NPAS3: variants seen among roughly 807,000 people sequenced by gnomAD.
The protein encoded by NPAS3 is neuronal PAS domain-containing protein 3.
Under a neutral mutation model 73.1 loss-of-function variants are expected in NPAS3, and 14 were observed. That is an observed-to-expected ratio of 0.19 (90% CI 0.13 to 0.30). NPAS3 has a LOEUF of 0.30. Ranked by LOEUF, NPAS3 falls within the 10% of genes least tolerant of loss-of-function variation. The pLI is 1.00. For missense variants in NPAS3, 1,096 were observed against 1,250.0 expected (o/e 0.88, Z 1.86); for synonymous variants, 620 against 541.5 (o/e 1.14, Z -2.01).
intron 4 of NPAS3, among the ~76,000 whole-genome samples, chr14:33,418,760 G>A (rs1008578288): frequency 2.0e-5 from 3 of 151,844 alleles, no homozygotes; most frequent in Admixed American, 6.6e-5. Context: ...CGCAATCATT[G>A]ATCTTCCATG....
intron 7 of NPAS3, among the ~76,000 whole-genome samples, chr14:33,759,731 C>CCTG (rs1192565259): frequency 2.0e-5 from 3 of 152,142 alleles, no homozygotes; most frequent in African/African-American, 7.2e-5. Flanking sequence ...ATTTACCTGG[C>CCTG]CTGCTACTGG....
intron 2 of NPAS3, among the ~76,000 whole-genome samples, chr14:33,128,833 A>C (rs1311805445): frequency 6.6e-6 from 1 of 152,168 alleles, no homozygotes; most frequent in African/African-American, 2.4e-5. Flanking sequence ...TTCCAACCAG[A>C]GAAGTAGGTG....
At chr14:33,052,344 C>G (rs192111418) in intron 1 of NPAS3, among the ~76,000 whole-genome samples, 330 of 152,244 alleles carry the variant, frequency 2.2e-3, no homozygotes, top group African/African-American at 7.7e-3. Flanking sequence ...AATAACTACC[C>G]TACCACCCCC....
At chr14:33,565,010 A>T (rs1220179532) in intron 5 of NPAS3, among the ~76,000 whole-genome samples, 1 of 152,084 alleles carries the variant, frequency 6.6e-6, no homozygotes, top group African/African-American at 2.4e-5. Context: ...CCTCACCCTT[A>T]TATAAGGTAT....
chr14:33,679,203 G>C (rs1404038923), intron 6 of NPAS3, among the ~76,000 whole-genome samples: 1 of 152,170 alleles, frequency 6.6e-6, no homozygotes, highest in Non-Finnish European at 1.5e-5. Flanking sequence ...TGGTGAATGT[G>C]ACTCTCACCA....
intron 1 of NPAS3, among the ~76,000 whole-genome samples, chr14:33,013,382 T>C (rs2039281460): frequency 6.6e-6 from 1 of 152,212 alleles, no homozygotes; most frequent in Non-Finnish European, 1.5e-5. Context: ...TCATGTGTTT[T>C]GGCTCATTTT....
intron 4 of NPAS3, among the ~76,000 whole-genome samples, chr14:33,371,826 G>T (rs898227303): frequency 6.6e-6 from 1 of 152,126 alleles, no homozygotes; most frequent in Non-Finnish European, 1.5e-5. Context: ...ACTGTGCTAA[G>T]TTCTCTTCTT....
intron 4 of NPAS3, among the ~76,000 whole-genome samples, chr14:33,453,801 T>C (rs751676725): frequency 1.3e-5 from 2 of 152,202 alleles, no homozygotes; most frequent in African/African-American, 2.4e-5. Context: ...TCCTCCTCAA[T>C]TGTAGAGCTT....
intron 5 of NPAS3, among the ~76,000 whole-genome samples, chr14:33,587,118 C>G (rs1368296846): frequency 6.6e-6 from 1 of 152,140 alleles, no homozygotes; most frequent in Non-Finnish European, 1.5e-5. Flanking sequence ...TATAGTAATT[C>G]ATATGGTTTC....
At chr14:33,442,085 A>T (rs1466942476) in intron 4 of NPAS3, among the ~76,000 whole-genome samples, 3 of 152,206 alleles carry the variant, frequency 2.0e-5, no homozygotes, top group Non-Finnish European at 2.9e-5. Flanking sequence ...TTCTCGATGT[A>T]CTACTTCATA....
intron 4 of NPAS3, among the ~76,000 whole-genome samples, chr14:33,503,397 A>T (rs2139935186): frequency 6.6e-6 from 1 of 152,078 alleles, no homozygotes; most frequent in Admixed American, 6.6e-5. Context: ...AGGGACGAAG[A>T]TAATGTATGA....
intron 2 of NPAS3, among the ~76,000 whole-genome samples, chr14:33,126,406 A>G (rs149381780): frequency 6.6e-6 from 1 of 152,244 alleles, no homozygotes; most frequent in African/African-American, 2.4e-5. Context: ...GCTTTCTTGC[A>G]CTGGGAAATT....
chr14:33,802,376 T>TAAAAAAAAAAAAA (rs71293230), downstream of NPAS3: 16 of 95,646 alleles, frequency 1.7e-4, no homozygotes, highest in South Asian at 4.2e-4. Flanking sequence ...GCACATTAAG[T>TAAAAAAAAAAAAA]AAAAAAAAAA....
intron 4 of NPAS3, among the ~76,000 whole-genome samples, chr14:33,510,048 A>G (rs886744783): frequency 7.2e-5 from 11 of 152,046 alleles, no homozygotes; most frequent in African/African-American, 2.7e-4. Flanking sequence ...AATAAAAATC[A>G]GAGGTCTGAC....
intron 6 of NPAS3, among the ~76,000 whole-genome samples, chr14:33,730,951 A>G (rs1283451798): frequency 1.3e-5 from 2 of 152,214 alleles, no homozygotes; most frequent in Non-Finnish European, 2.9e-5. Flanking sequence ...GAATGTGTTT[A>G]ACTTCATGTC....
At chr14:33,085,587 TG>T (rs2041996866) in intron 2 of NPAS3, among the ~76,000 whole-genome samples, 1 of 152,232 alleles carries the variant, frequency 6.6e-6, no homozygotes, top group African/African-American at 2.4e-5. Context: ...CAAAGGTTTC[TG>T]GATCTTTAAT....
intron 4 of NPAS3, among the ~76,000 whole-genome samples, chr14:33,447,915 T>C (rs979856201): frequency 6.6e-6 from 1 of 152,024 alleles, no homozygotes; most frequent in African/African-American, 2.4e-5. Flanking sequence ...ACCCTATCTC[T>C]TAAAAAAAAC....
In NPAS3 at chr14:33,112,496, C is replaced by T. The variant is rs144390473; in HGVS notation, c.140+56502C>T. ...TTGAGAAGTGTCTGTGCATATCCTT[C>T]GCCCAGTTTTTGATGGGGTTGTTTT... is the stretch of plus-strand genomic sequence containing the variant. On this transcript the variant is annotated intron_variant, in intron 2 of 11. Transcript: ENST00000356141. Among the ~76,000 whole-genome samples the T allele has an allele frequency of 2.2e-3, 329 of 152,212 alleles. 4 individuals carry two copies. Among genetic ancestry groups the T allele is most frequent in the African/African-American group, 6.3e-3 (260 of 41,522 alleles).
intron 3 of NPAS3, among the ~76,000 whole-genome samples, chr14:33,253,761 T>A (rs1187682210): frequency 6.6e-6 from 1 of 152,026 alleles, no homozygotes; most frequent in Non-Finnish European, 1.5e-5. Context: ...GTTCTGTGGT[T>A]TTACCCACTA....
Sources: gnomAD v4.1 joint callset for allele counts (sites outside exome capture counted in the v4.1 genomes callset) on GRCh38, gnomAD v4.1.1 for gene constraint, MANE v1.5 for transcripts, NCBI Gene and HGNC (gene_info 2026-07-23, HGNC 2026-07-21) for gene names.